Variants in BCAS3 observed in about 807,000 individuals in gnomAD.
BCAS3 encodes the protein BCAS4/BCAS3 fusion.
In BCAS3, 53 loss-of-function variants were observed where a neutral mutation model predicts 116.1. That is an observed-to-expected ratio of 0.46 (90% confidence interval 0.37 to 0.57). The LOEUF (loss-of-function observed/expected upper bound fraction) is 0.57. BCAS3 is among the 20% of genes least tolerant of loss of function. The pLI, the probability that BCAS3 is intolerant of heterozygous loss-of-function variation, is 0.00. For missense variants in BCAS3, 917 were observed against 1,165.4 expected, an observed-to-expected ratio of 0.79 and a Z score of 3.10; for synonymous variants, 391 against 408.2, an observed-to-expected ratio of 0.96 and a Z score of 0.51.
chr17:60,953,392 C>G (rs2060946466), intron 14 of BCAS3, among the ~76,000 whole-genome samples: 1 of 151,780 alleles, frequency 6.6e-6, no homozygotes, highest in African/African-American at 2.4e-5. Flanking sequence ...ATGTCCTTTG[C>G]CCACTATTTA....
At chr17:61,031,576 A>G (rs746368517) in intron 16 of BCAS3, among the ~76,000 whole-genome samples, 2 of 152,106 alleles carry the variant, frequency 1.3e-5, no homozygotes, top group Non-Finnish European at 1.5e-5. Flanking sequence ...AATCTTAAAG[A>G]CACACACATA....
At position 61,199,127 on chromosome 17, in the gene BCAS3, T is replaced by C. The variant is rs547712399; in HGVS notation, c.2425+114563T>C. 1.1e-4 allele frequency among the ~76,000 whole-genome samples: 17 copies of C among 152,328 alleles called. No homozygotes were observed. The highest frequency in any genetic ancestry group is 2.4e-4 in the Non-Finnish European group (16 of 68,026). ...TATCTTTGTTTTATATTTTTTAACCTTTTCCAATCCTTAATACATTTGTGG... is the reference window on the plus strand; with the variant it reads ...TATCTTTGTTTTATATTTTTTAACCCTTTCCAATCCTTAATACATTTGTGG... On this transcript the variant is annotated intron_variant, in intron 22 of 23. Coordinates refer to ENST00000407086, the MANE Select transcript of BCAS3 (RefSeq NM_017679.5). This position sits in a 1 kb window ranked among gnomAD's most constrained non-coding sequence, Gnocchi z 4.6.
Position 61,276,437 on chromosome 17 carries a change from A to G in BCAS3, c.2426-91890A>G, listed in dbSNP as rs914248167. ...AACCGCAAATAAAATTAGGAAAGCTATTTCATTTACAGTAGCATCAAAAAG... is the reference window on the plus strand; with the variant it reads ...AACCGCAAATAAAATTAGGAAAGCTGTTTCATTTACAGTAGCATCAAAAAG... On this transcript the variant is annotated intron_variant, in intron 22 of 23. Transcript: ENST00000407086. This position sits in a 1 kb window ranked among gnomAD's most constrained non-coding sequence, Gnocchi z 4.2. Among the ~76,000 whole-genome samples, 25 of 152,318 alleles carry G rather than the reference A, an allele frequency of 1.6e-4. No individual in the cohort carries two copies. Among genetic ancestry groups the G allele is most frequent in the African/African-American group, 5.8e-4 (24 of 41,564 alleles).
rs1246593401 is a variant in BCAS3, at chr17:61,008,143, T to C, written c.1487-7608T>C. 6.6e-6 allele frequency among the ~76,000 whole-genome samples: 1 copy of C among 152,112 alleles called. No individual in the cohort carries two copies. The highest frequency in any genetic ancestry group is 1.5e-5 in the Non-Finnish European group (1 of 67,998). On this transcript the variant is annotated intron_variant, in intron 15 of 23. Transcript: ENST00000407086. The surrounding 1 kb of genome is among the most constrained non-coding windows in gnomAD (Gnocchi z 4.6). ...AGCATTGCTTCCGCCCAGTTTGGTA[T>C]GTGGGTCAGAAGGCACTGTTTCTCA...
At chr17:60,912,650 A>G (rs777864736) in intron 12 of BCAS3, among the ~76,000 whole-genome samples, 6 of 152,116 alleles carry the variant, frequency 3.9e-5, no homozygotes, top group African/African-American at 4.8e-5. Flanking sequence ...GACTTTAATG[A>G]CTTTGTGTTA....
chr17:61,194,198 G>C (rs1313934526), intron 22 of BCAS3, among the ~76,000 whole-genome samples: 1 of 152,134 alleles, frequency 6.6e-6, no homozygotes, highest in African/African-American at 2.4e-5. Context: ...TCGTATTAGT[G>C]GTGTCAAATT....
chr17:60,939,307 C>A (rs1390325201), intron 13 of BCAS3, among the ~76,000 whole-genome samples: 1 of 152,134 alleles, frequency 6.6e-6, no homozygotes, highest in East Asian at 1.9e-4. Context: ...GTGACAAACC[C>A]CTGCAATCCC....
At chr17:61,159,930 G>C (rs1200972575) in intron 22 of BCAS3, among the ~76,000 whole-genome samples, 21 of 151,548 alleles carry the variant, frequency 1.4e-4, no homozygotes, top group Admixed American at 1.4e-3. Context: ...ATACACACAA[G>C]TTAATACCTT....
intron 14 of BCAS3, among the ~76,000 whole-genome samples, chr17:60,975,579 T>A (rs2062288608): frequency 6.6e-6 from 1 of 152,240 alleles, no homozygotes. Flanking sequence ...CACCATTTTA[T>A]AATGTACAAT....
intron 7 of BCAS3, among the ~76,000 whole-genome samples, chr17:60,815,556 A>G (rs1001518259): frequency 7.2e-5 from 11 of 152,366 alleles, no homozygotes; most frequent in Non-Finnish European, 1.5e-4. Context: ...TAAAGTAACA[A>G]AAAACAGCAG....
chr17:60,914,682 C>T (rs1292180269), intron 12 of BCAS3, among the ~76,000 whole-genome samples: 1 of 152,188 alleles, frequency 6.6e-6, no homozygotes, highest in Non-Finnish European at 1.5e-5. Context: ...TTTTCTTCCT[C>T]CCTGTCCTCC....
intron 22 of BCAS3, among the ~76,000 whole-genome samples, chr17:61,301,759 A>AT (rs936889846): frequency 4.6e-5 from 7 of 152,118 alleles, no homozygotes; most frequent in South Asian, 2.1e-4. Flanking sequence ...CATAGGAGTG[A>AT]TTTTTTTCAC....
In BCAS3 at chr17:61,328,233, T is replaced by C. The variant is rs1388594768; in HGVS notation, c.2426-40094T>C. On this transcript the variant is annotated intron_variant, in intron 22 of 23. Coordinates refer to ENST00000407086, the MANE Select transcript of BCAS3 (RefSeq NM_017679.5). ...AAACAATGTGTATAATATGATCCTA[T>C]AGAGAAAGAAAAAACTAGTAGAAGC... is the stretch of plus-strand genomic sequence containing the variant. Among the ~76,000 whole-genome samples, 4 of 152,216 alleles carry C rather than the reference T, an allele frequency of 2.6e-5. No individual in the cohort carries two copies. In the East Asian group the frequency reaches 7.7e-4, roughly 29 times the overall value.
chr17:60,946,721 G>A (rs1365918545), intron 13 of BCAS3, among the ~76,000 whole-genome samples: 1 of 152,014 alleles, frequency 6.6e-6, no homozygotes, highest in Non-Finnish European at 1.5e-5. Context: ...ACCAGCCTGG[G>A]CAACATGGTG....
chr17:61,220,624 C>T lies in BCAS3; in HGVS notation c.2425+136060C>T, dbSNP rs1167391359. 1.3e-5 allele frequency among the ~76,000 whole-genome samples: 2 copies of T among 152,010 alleles called. No individual in the cohort carries two copies. Among genetic ancestry groups the T allele is most frequent in the Non-Finnish European group, 2.9e-5 (2 of 68,000 alleles). ...ACAATGACACTACATTGATTTCCCCCCTGTGGCGCCAAAGACAGTTCTTGA... is the reference window on the plus strand; with the variant it reads ...ACAATGACACTACATTGATTTCCCCTCTGTGGCGCCAAAGACAGTTCTTGA... On this transcript the variant is annotated intron_variant, in intron 22 of 23. Transcript: ENST00000407086. This position sits in a 1 kb window ranked among gnomAD's most constrained non-coding sequence, Gnocchi z 4.5.
chr17:61,053,296 A>G (rs1005400870), intron 19 of BCAS3, among the ~76,000 whole-genome samples: 11 of 152,088 alleles, frequency 7.2e-5, no homozygotes, highest in Admixed American at 1.3e-4. Context: ...AAGAGCCAAT[A>G]TTTTTCATTC....
At chr17:60,686,874 G>C (rs1413867368) in intron 3 of BCAS3, among the ~76,000 whole-genome samples, 1 of 152,112 alleles carries the variant, frequency 6.6e-6, no homozygotes, top group Non-Finnish European at 1.5e-5. Context: ...TTGAAGCTTA[G>C]AACTTTTCAG....
intron 7 of BCAS3, among the ~76,000 whole-genome samples, chr17:60,808,618 C>G (rs575788357): frequency 6.6e-6 from 1 of 152,124 alleles, no homozygotes; most frequent in African/African-American, 2.4e-5. Context: ...CAAATTTCTT[C>G]AAGTGTAAAT....
rs1156461751 is a variant in BCAS3, at chr17:61,349,912, T to C, written c.2426-18415T>C. Among the ~76,000 whole-genome samples the C allele has an allele frequency of 6.6e-6, 1 of 152,246 alleles. No homozygotes were observed. Among genetic ancestry groups the C allele is most frequent in the Non-Finnish European group, 1.5e-5 (1 of 68,042 alleles). ...CCCTTTGTGTGAAATTGCAAATTTGTGAAATTCAAACATTGTCATTCATTT... is the reference window on the plus strand; with the variant it reads ...CCCTTTGTGTGAAATTGCAAATTTGCGAAATTCAAACATTGTCATTCATTT... On this transcript the variant is annotated intron_variant, in intron 22 of 23. Coordinates refer to ENST00000407086, the MANE Select transcript of BCAS3 (RefSeq NM_017679.5). The surrounding 1 kb of genome is among the most constrained non-coding windows in gnomAD (Gnocchi z 4.7).
Sources: allele counts gnomAD v4.1 joint callset (sites outside exome capture counted in the v4.1 genomes callset), GRCh38; gene constraint gnomAD v4.1.1; non-coding constraint Gnocchi (gnomAD v3.1); transcripts MANE v1.5; gene names NCBI Gene and HGNC (gene_info 2026-07-23, HGNC 2026-07-21).